The following XIAP variants were observed in gnomAD, a reference collection of about 807,000 sequenced individuals.
XIAP encodes the protein E3 ubiquitin-protein ligase XIAP.
A neutral mutation model predicts 33.1 loss-of-function variants in XIAP; 3 were observed. The observed-to-expected ratio is 0.09, with a 90% confidence interval of 0.04 to 0.23. The LOEUF is 0.23. Among genes scored for constraint, XIAP ranks in the 10% least tolerant of loss-of-function variants. The pLI, the probability that XIAP is intolerant of heterozygous loss-of-function variation, is 1.00. For synonymous variants in XIAP, 98 were observed against 121.3 expected (o/e 0.81, Z 1.26); for missense variants, 264 against 363.0 (o/e 0.73, Z 2.22).
chrX:123,890,147 G>A (rs2053392478), intron 3 of XIAP, among the ~76,000 whole-genome samples: 1 of 89,901 alleles, frequency 1.1e-5, no homozygotes, highest in African/African-American at 3.9e-5. Context: ...CTCCCGAGTA[G>A]CTGGGACTAC....
chrX:123,912,248 A>AG lies in XIAP; in HGVS notation c.*5067_*5068insG. The AG allele has an allele frequency of 3.4e-6, 1 of 295,569 alleles. No individual in the cohort carries two copies. Among genetic ancestry groups the AG allele is most frequent in the South Asian group, 3.1e-5 (1 of 32,091 alleles). 24.4% of individuals were successfully genotyped at this position (295,569 alleles called of 1,213,427 possible). On this transcript the variant is annotated 3_prime_UTR_variant, in exon 7 of 7. Coordinates refer to ENST00000371199, the MANE Select transcript of XIAP (RefSeq NM_001167.4). ...AAAAAAGACCACACAATAAAAAAAA[A>AG]AAATACAAAATAATACAAAGAAAAA...
intron 5 of XIAP, among the ~76,000 whole-genome samples, chrX:123,893,392 G>A (rs1455863019): frequency 2.8e-5 from 3 of 108,253 alleles, no homozygotes; most frequent in East Asian, 5.9e-4. Flanking sequence ...ATGTGGTGGC[G>A]CACACCTGTA....
At chrX:123,863,592 C>T (rs1407758911) in intron 1 of XIAP, among the ~76,000 whole-genome samples, 1 of 111,294 alleles carries the variant, frequency 9.0e-6, no homozygotes, top group Non-Finnish European at 1.9e-5. Flanking sequence ...TCACCTCAAC[C>T]TCTGCCTCCC....
rs1200131747 is a variant in XIAP at position 123,913,714 on chromosome X, T to C, written c.*6533T>C. On this transcript the variant is annotated 3_prime_UTR_variant, in exon 7 of 7. Coordinates refer to ENST00000371199, the MANE Select transcript of XIAP (RefSeq NM_001167.4). ...TTTTAATGTAATTTATGTTAGATTTTGCATTTTTTTCATTACTGTTATATT... is the reference window on the plus strand; with the variant it reads ...TTTTAATGTAATTTATGTTAGATTTCGCATTTTTTTCATTACTGTTATATT... 9.3e-6 allele frequency: 3 copies of C among 323,151 alleles called. No homozygotes were observed. The highest frequency in any genetic ancestry group is 1.8e-5 in the Non-Finnish European group (3 of 168,265). 26.6% of individuals were successfully genotyped at this position (323,151 alleles called of 1,213,427 possible).
chrX:123,903,180 ATT>A (rs56868819), intron 6 of XIAP, among the ~76,000 whole-genome samples: 850 of 65,225 alleles, frequency 0.013, 15 homozygotes, highest in African/African-American at 0.049. Context: ...TTATTTTATA[ATT>A]TTTTTTTTTT....
intron 1 of XIAP, among the ~76,000 whole-genome samples, chrX:123,864,275 A>G (rs760665766): frequency 2.8e-5 from 2 of 70,204 alleles, no homozygotes; most frequent in South Asian, 1.2e-3. Flanking sequence ...CGATAAAATA[A>G]TGATATTTCA....
At chrX:123,875,031 T>A (rs1330026733) in intron 1 of XIAP, among the ~76,000 whole-genome samples, 1 of 104,864 alleles carries the variant, frequency 9.5e-6, no homozygotes, top group African/African-American at 3.5e-5. Flanking sequence ...TTTATTTTTT[T>A]TTTTTTTTGA....
In XIAP at chrX:123,886,394, G is replaced by A; in HGVS notation, c.732G>A (p.Val244=). The stretch of plus-strand genomic sequence containing the variant: ...ATATTCGAAGTGAATCTGATGCTGT[G>A]AGTTCTGATAGGAATTTCCCAAATT... ...NLNIRSESDA[V]SSDRNFPNST... is the part of the protein sequence containing the mutation. Residue 244 remains valine, a synonymous_variant, in exon 2 of 7, where the codon GTG becomes GTA. Transcript: ENST00000371199. 8.3e-7 allele frequency: 1 copy of A among 1,211,926 alleles called. No homozygotes were observed. Among genetic ancestry groups the A allele is most frequent in the Non-Finnish European group, 1.1e-6 (1 of 895,627 alleles).
intron 6 of XIAP, among the ~76,000 whole-genome samples, chrX:123,902,693 T>C (rs7064582): frequency 0.19 from 21,331 of 110,610 alleles, 1,481 homozygotes; most frequent in South Asian, 0.38. Flanking sequence ...ATTTAGTATA[T>C]GTACTAAAGT....
Position 123,908,857 on chromosome X carries a change from T to C in XIAP, c.*1676T>C, listed in dbSNP as rs17334746. ...CATTACAAGATTCTCACAACAAACC[T>C]ATTGTAGAGGTGAGTAAGGCATGTT... is the stretch of plus-strand genomic sequence containing the variant. On this transcript the variant is annotated 3_prime_UTR_variant, in exon 7 of 7. Transcript: ENST00000371199. The C allele has an allele frequency of 0.22, 76,680 of 346,877 alleles. 5,528 individuals are homozygous for C. Among genetic ancestry groups the C allele is most frequent in the South Asian group, 0.39 (14,711 of 38,034 alleles). 28.6% of individuals were successfully genotyped at this position (346,877 alleles called of 1,213,427 possible). A position where few individuals can be genotyped will look rare whatever the true frequency, so the allele number is the denominator to read the frequency against.
At chrX:123,870,071 T>TGACTCA (rs1324418113) in intron 1 of XIAP, among the ~76,000 whole-genome samples, 1 of 112,749 alleles carries the variant, frequency 8.9e-6, no homozygotes, top group African/African-American at 3.2e-5. Context: ...GCGATTCTCG[T>TGACTCA]GCCTCAGCCT....
intron 6 of XIAP, among the ~76,000 whole-genome samples, chrX:123,901,588 G>A (rs1044423917): frequency 8.9e-6 from 1 of 111,800 alleles, no homozygotes; most frequent in African/African-American, 3.2e-5. Context: ...TATTTTTGAC[G>A]CATTTAAGAT....
chrX:123,878,209 C>G (rs2053264788), intron 1 of XIAP, among the ~76,000 whole-genome samples: 1 of 111,615 alleles, frequency 9.0e-6, no homozygotes, highest in African/African-American at 3.3e-5. Context: ...AGTTACCAAA[C>G]TACTATTTTA....
chrX:123,896,002 TCCAC>T (rs995951544), intron 5 of XIAP, among the ~76,000 whole-genome samples: 1 of 111,169 alleles, frequency 9.0e-6, no homozygotes, highest in African/African-American at 3.3e-5. Flanking sequence ...CCTCAGGTGA[TCCAC>T]CCACGTTGGG....
Position 123,888,638 on chromosome X carries a change from G to T in XIAP, c.897G>T (p.Lys299Asn), listed in dbSNP as rs780652662. The change falls in exon 3 of 7, where the codon AAG becomes AAT. Residue 299 changes from lysine to asparagine, a missense_variant. By Grantham distance (94) the Lys-to-Asn change is moderately conservative (BLOSUM62 0). Transcript: ENST00000371199. ...FYALGEGDKV[K>N]CFHCGGGLTD... The stretch of plus-strand genomic sequence containing the variant: ...TCGTAGGTGAAGGTGATAAAGTAAA[G>T]TGCTTTCACTGTGGAGGAGGGCTAA... 8.3e-7 allele frequency: 1 copy of T among 1,210,129 alleles called. No homozygotes were observed. Among genetic ancestry groups the T allele is most frequent in the Non-Finnish European group, 1.1e-6 (1 of 895,137 alleles).
intron 5 of XIAP, among the ~76,000 whole-genome samples, chrX:123,897,606 A>C (rs746914850): frequency 4.8e-4 from 53 of 109,985 alleles, no homozygotes; most frequent in African/African-American, 1.7e-3. Flanking sequence ...TCTGTCACCC[A>C]GGCTGGAGTG....
rs1321563225 is a variant in XIAP at position 123,913,034 on chromosome X, G to A, written c.*5853G>A. Reference sequence around the variant, plus strand: ...GATCTCAGGTGATCTGCCTGCCTCGGCCTCACAAAGTGCTGGGATTACAGG... The same window carrying A: ...GATCTCAGGTGATCTGCCTGCCTCGACCTCACAAAGTGCTGGGATTACAGG... On this transcript the variant is annotated 3_prime_UTR_variant, in exon 7 of 7. Coordinates refer to ENST00000371199, the MANE Select transcript of XIAP (RefSeq NM_001167.4). 14 of 297,082 alleles carry A rather than the reference G, an allele frequency of 4.7e-5. No individual in the cohort carries two copies. The highest frequency in any genetic ancestry group is 8.5e-5 in the Non-Finnish European group (13 of 153,704). The allele number at this position is 297,082 out of a possible 1,213,427, so 24.5% of individuals were successfully genotyped here.
chrX:123,873,613 C>T (rs961453396), intron 1 of XIAP, among the ~76,000 whole-genome samples: 2 of 109,046 alleles, frequency 1.8e-5, no homozygotes, highest in African/African-American at 6.6e-5. Flanking sequence ...CATGATGAAA[C>T]GCTGTCTCTA....
In XIAP at chrX:123,912,719, G is replaced by A. The variant is rs1458187011; in HGVS notation, c.*5538G>A. 3.1e-6 allele frequency: 1 copy of A among 322,393 alleles called. No homozygotes were observed. Among genetic ancestry groups the A allele is most frequent in the African/African-American group, 2.7e-5 (1 of 36,431 alleles). 26.6% of individuals were successfully genotyped at this position (322,393 alleles called of 1,213,427 possible). On this transcript the variant is annotated 3_prime_UTR_variant, in exon 7 of 7. Transcript: ENST00000371199. Reference sequence around the variant, plus strand: ...TTTTTTTAATTTAAACAGTCTCACTGTGTTGCCCAGGATGGAGTGCAATGG... The same window carrying A: ...TTTTTTTAATTTAAACAGTCTCACTATGTTGCCCAGGATGGAGTGCAATGG...
Sources: gnomAD v4.1 joint callset for allele counts (sites outside exome capture counted in the v4.1 genomes callset) on GRCh38, gnomAD v4.1.1 for gene constraint, MANE v1.5 for transcripts, NCBI Gene and HGNC (gene_info 2026-07-23, HGNC 2026-07-21) for gene names.